ZNF341: variants seen among roughly 807,000 people sequenced by gnomAD.
ZNF341 encodes the protein zinc finger protein 341.
ZNF341 carries 52 observed loss-of-function variants against 87.7 expected under a neutral mutation model. That is an observed-to-expected ratio of 0.59 (90% confidence interval 0.47 to 0.75). The LOEUF is 0.75. Ranked by LOEUF, ZNF341 falls within the 30% of genes least tolerant of loss-of-function variation. ZNF341 has a pLI of 0.00. For missense variants in ZNF341, 977 were observed against 1,145.9 expected (o/e 0.85, Z 2.13); for synonymous variants, 459 against 472.7 (o/e 0.97, Z 0.38).
intron 12 of ZNF341, chr20:33,787,892 G>A (rs2019901416): frequency 6.6e-6 from 1 of 152,268 alleles, no homozygotes. Flanking sequence ...AATGACATGA[G>A]GCCACCTTGC....
At chr20:33,768,659 T>C (rs1008872340) in intron 9 of ZNF341, among the ~76,000 whole-genome samples, 5 of 151,890 alleles carry the variant, frequency 3.3e-5, no homozygotes, top group African/African-American at 4.8e-5. Context: ...CTGGGCTCAA[T>C]TGATCTGCCT....
intron 5 of ZNF341, among the ~76,000 whole-genome samples, chr20:33,756,483 T>C (rs867145286): frequency 1.3e-4 from 20 of 151,676 alleles, no homozygotes; most frequent in African/African-American, 1.2e-4. Context: ...TCTCCTGCCT[T>C]AGCCTCCTGA....
At chr20:33,736,672 G>A (rs2018692358) in intron 1 of ZNF341, among the ~76,000 whole-genome samples, 1 of 152,186 alleles carries the variant, frequency 6.6e-6, no homozygotes, top group African/African-American at 2.4e-5. Context: ...TCTATTTTTA[G>A]TAGGGACGGG....
intron 1 of ZNF341, among the ~76,000 whole-genome samples, chr20:33,737,588 T>C (rs762733143): frequency 1.3e-5 from 2 of 152,170 alleles, no homozygotes; most frequent in Non-Finnish European, 2.9e-5. Context: ...CCCAAAATGC[T>C]GGGATTACAG....
chr20:33,737,601 G>A (rs6141420), intron 1 of ZNF341, among the ~76,000 whole-genome samples: 22,241 of 152,094 alleles, frequency 0.15, 2,397 homozygotes, highest in East Asian at 0.53. Flanking sequence ...GATTACAGGC[G>A]TGAGCCACCA....
At chr20:33,774,526 TATATTTGAGTCAGG>T (rs1468041778) in intron 10 of ZNF341, among the ~76,000 whole-genome samples, 1 of 152,208 alleles carries the variant, frequency 6.6e-6, no homozygotes, top group Admixed American at 6.5e-5. Flanking sequence ...TATCACAGAC[TATATTTGAGTCAGG>T]TGATGCCAAA....
At chr20:33,775,409 A>C (rs964136290) in intron 10 of ZNF341, among the ~76,000 whole-genome samples, 2 of 150,706 alleles carry the variant, frequency 1.3e-5, no homozygotes, top group Non-Finnish European at 3.0e-5. Context: ...ACGGGGTTTC[A>C]CCATGTTAGC....
chr20:33,756,813 C>T (rs376095200), intron 5 of ZNF341, among the ~76,000 whole-genome samples: 37 of 152,282 alleles, frequency 2.4e-4, no homozygotes, highest in African/African-American at 7.9e-4. Flanking sequence ...TCACAGTAAC[C>T]GCATGAGAGG....
At chr20:33,777,322 CAAAAAAAAAAAA>C (rs71192713) in intron 10 of ZNF341, among the ~76,000 whole-genome samples, 5 of 32,642 alleles carry the variant, frequency 1.5e-4, no homozygotes, top group Non-Finnish European at 2.4e-4. Flanking sequence ...GACCCTATCT[CAAAAAAAAAAAA>C]AAAAAAAAAA....
chr20:33,766,495 A>C (rs576373676), intron 8 of ZNF341, among the ~76,000 whole-genome samples: 1 of 152,108 alleles, frequency 6.6e-6, no homozygotes, highest in South Asian at 2.1e-4. Flanking sequence ...GCACCCGGCC[A>C]GATGATTACA....
At chr20:33,755,643 A>G (rs1601251684) in intron 5 of ZNF341, among the ~76,000 whole-genome samples, 1 of 127,344 alleles carries the variant, frequency 7.9e-6, no homozygotes, top group South Asian at 2.4e-4. Context: ...CCCAGGCTGG[A>G]GTGCAATGGC....
intron 6 of ZNF341, among the ~76,000 whole-genome samples, chr20:33,757,672 T>C (rs1787885495): frequency 6.6e-6 from 1 of 152,176 alleles, no homozygotes; most frequent in South Asian, 2.1e-4. Context: ...GTCATCACTT[T>C]AATATTCCAG....
chr20:33,786,801 C>G (rs1490287656), intron 12 of ZNF341, among the ~76,000 whole-genome samples: 1 of 151,640 alleles, frequency 6.6e-6, no homozygotes, highest in Non-Finnish European at 1.5e-5. Context: ...AACCCCGTCT[C>G]TACTAAAAAT....
chr20:33,757,338 C>T lies in ZNF341; in HGVS notation c.932C>T (p.Pro311Leu), dbSNP rs139148353. The T allele has an allele frequency of 6.1e-5, 91 of 1,497,424 alleles. No individual in the cohort carries two copies. The highest frequency in any genetic ancestry group is 1.8e-4 in the Admixed American group (8 of 44,206). The allele number at this position is 1,497,424 out of a possible 1,614,324, so 92.8% of individuals were successfully genotyped here. Residue 311 changes from proline to leucine, a missense_variant, in exon 6 of 15, where the codon CCG becomes CTG. Pro to Leu is a moderately conservative substitution (Grantham distance 98). Around this residue, in one of 3 missense-constraint regions of ZNF341, gnomAD observed 515 missense variants for 598.2 expected, o/e 0.86. Transcript: ENST00000375200. ...CGAGCTAAAGGTGCCAGGGGACTCC[C>T]GGAAGGTGGGCCCCCAGCCTGCCAT... Reference protein sequence around the residue: ...TRRAKGARGLPEAAGKPKAQK... With the variant: ...TRRAKGARGLLEAAGKPKAQK...
chr20:33,761,682 C>T (rs1033364745), intron 7 of ZNF341, among the ~76,000 whole-genome samples, 180 bp from the exon 8 acceptor site: 3 of 152,176 alleles, frequency 2.0e-5, no homozygotes, highest in South Asian at 4.1e-4. Flanking sequence ...TGACCCGGAA[C>T]CCAGGGTCTT....
At chr20:33,741,395 T>G (rs1321557725) in intron 2 of ZNF341, among the ~76,000 whole-genome samples, 1 of 147,720 alleles carries the variant, frequency 6.8e-6, no homozygotes, top group African/African-American at 2.5e-5. Flanking sequence ...AGGGTCTTCT[T>G]TTTTTTTTTT....
At chr20:33,788,657 T>G in intron 12 of ZNF341, 1 of 605,590 alleles carries the variant, frequency 1.7e-6, no homozygotes, top group South Asian at 1.8e-5. Flanking sequence ...CATGGCCTCA[T>G]CAGAGAGGCC....
At chr20:33,748,151 A>G (rs1302906107) in intron 3 of ZNF341, among the ~76,000 whole-genome samples, 1 of 151,774 alleles carries the variant, frequency 6.6e-6, no homozygotes, top group African/African-American at 2.4e-5. Flanking sequence ...AGCTCACTGC[A>G]ACCTCCATCT....
chr20:33,789,630 C>T, intron 14 of ZNF341, 42 bp downstream of exon 14: 1 of 1,604,008 alleles, frequency 6.2e-7, no homozygotes, highest in African/African-American at 1.3e-5. Flanking sequence ...TGGTTCAGCT[C>T]TAGTTCACTG....
Sources: gnomAD v4.1 joint callset for allele counts (sites outside exome capture counted in the v4.1 genomes callset) on GRCh38, gnomAD v4.1.1 for gene constraint, gnomAD v4.1.1 regional missense constraint, MANE v1.5 for transcripts, NCBI Gene and HGNC (gene_info 2026-07-23, HGNC 2026-07-21) for gene names.